Variants in LARP1B observed in about 807,000 individuals in gnomAD.
LARP1B encodes the protein la-related protein 1B.
In LARP1B, 76 loss-of-function variants were observed where a neutral mutation model predicts 114.2. The observed-to-expected ratio is 0.67, with a 90% CI of 0.55 to 0.81. The LOEUF is 0.81. Ranked by LOEUF, LARP1B falls within the 30% of genes least tolerant of loss-of-function variation. The pLI is 0.00. For synonymous variants in LARP1B, 345 were observed against 348.0 expected, an observed-to-expected ratio of 0.99 and a Z score of 0.10; for missense variants, 1,014 against 1,075.8, an observed-to-expected ratio of 0.94 and a Z score of 0.80.
chr4:128,164,821 A>G lies in LARP1B; in HGVS notation c.1648+2504A>G, dbSNP rs74908788. Among the ~76,000 whole-genome samples, 250 of 152,274 alleles carry G rather than the reference A, an allele frequency of 1.6e-3. 2 individuals carry two copies. The highest frequency in any genetic ancestry group is 9.5e-3 in the East Asian group (49 of 5,172). On this transcript the variant is annotated intron_variant, in intron 12 of 19. Coordinates refer to ENST00000326639, the MANE Select transcript of LARP1B (RefSeq NM_018078.4). ...GAGAACATTTGTAGTATCATTGTTC[A>G]TAATAGAAAAAAGCAAATGAAAACT...
chr4:128,216,678 T>C (rs1423242728), downstream of LARP1B, among the ~76,000 whole-genome samples: 4 of 148,754 alleles, frequency 2.7e-5, no homozygotes, highest in African/African-American at 4.9e-5. Context: ...ACTAAATGCC[T>C]ACAAGAGAAA....
chr4:128,184,995 C>CACATATAT (rs879918299), intron 15 of LARP1B, among the ~76,000 whole-genome samples: 77 of 151,998 alleles, frequency 5.1e-4, no homozygotes, highest in Admixed American at 2.2e-3. Context: ...CATATATTTA[C>CACATATAT]ACATATATAC....
rs373271496 is a variant in LARP1B, at chr4:128,077,952, A to G, written c.207A>G (p.Gln69=). 4.5e-6 allele frequency: 7 copies of G among 1,572,034 alleles called. No individual in the cohort carries two copies. In the East Asian group the frequency reaches 9.0e-5, roughly 20 times the overall value. Residue 69 remains glutamine, a synonymous_variant, in exon 4 of 20, where the codon CAA becomes CAG. Coordinates refer to ENST00000326639, the MANE Select transcript of LARP1B (RefSeq NM_018078.4). Reference sequence around the variant, plus strand: ...AGGATGAGGCTCAGTCAAGTAATCAACGTAAGAGAGGTCAGTTTGTCCATA... The same window carrying G: ...AGGATGAGGCTCAGTCAAGTAATCAGCGTAAGAGAGGTCAGTTTGTCCATA... ...VSEDEAQSSN[Q]RKRANKHKWV... is the part of the protein sequence containing the mutation.
chr4:128,111,825 G>C (rs1379503782), intron 9 of LARP1B, among the ~76,000 whole-genome samples: 1 of 151,764 alleles, frequency 6.6e-6, no homozygotes, highest in Non-Finnish European at 1.5e-5. Flanking sequence ...GGGATTACAG[G>C]TGCCTACCAC....
At chr4:128,076,447 G>A (rs1385864852) in intron 3 of LARP1B, among the ~76,000 whole-genome samples, 1 of 152,080 alleles carries the variant, frequency 6.6e-6, no homozygotes, top group African/African-American at 2.4e-5. Flanking sequence ...TTGTGTGTCA[G>A]CAGTTCATTC....
intron 15 of LARP1B, among the ~76,000 whole-genome samples, chr4:128,188,730 TTTC>T (rs1329306060): frequency 1.3e-5 from 2 of 152,224 alleles, no homozygotes; most frequent in Non-Finnish European, 2.9e-5. Flanking sequence ...ATTTTGAAGT[TTTC>T]TTCTTAATTT....
At chr4:128,205,165 G>C (rs1757226273) in intron 17 of LARP1B, among the ~76,000 whole-genome samples, 1 of 152,182 alleles carries the variant, frequency 6.6e-6, no homozygotes, top group African/African-American at 2.4e-5. Context: ...TTCTCTTGTT[G>C]GCTTGCCAGA....
chr4:128,190,117 G>A (rs1751740369), intron 15 of LARP1B, among the ~76,000 whole-genome samples: 3 of 152,302 alleles, frequency 2.0e-5, no homozygotes, highest in South Asian at 2.1e-4. Context: ...GGGTCTAGTA[G>A]TGATGAATTC....
chr4:128,098,460 A>G (rs1477321760), intron 8 of LARP1B, 130 bp downstream of exon 8: 4 of 658,992 alleles, frequency 6.1e-6, no homozygotes, highest in African/African-American at 3.6e-5. Context: ...GCATTCCATG[A>G]TGTTTTTCTA....
At chr4:128,090,067 C>T (rs769436982) in intron 5 of LARP1B, among the ~76,000 whole-genome samples, 6 of 146,738 alleles carry the variant, frequency 4.1e-5, no homozygotes, top group East Asian at 2.0e-4. Context: ...GCCACCACAC[C>T]GGGCCTCTTT....
chr4:128,206,552 A>G lies in LARP1B; in HGVS notation c.2419+15A>G. 1 of 1,593,572 alleles carries G rather than the reference A, an allele frequency of 6.3e-7. No individual in the cohort carries two copies. Among genetic ancestry groups the G allele is most frequent in the Non-Finnish European group, 8.6e-7 (1 of 1,169,158 alleles). ...CTACGAATCTGGTAACAATAACATCAGAAAACTTGTACTCTAATTGGAAAT... is the reference window on the plus strand; with the variant it reads ...CTACGAATCTGGTAACAATAACATCGGAAAACTTGTACTCTAATTGGAAAT... On this transcript the variant is annotated intron_variant, in intron 18 of 19. Coordinates refer to ENST00000326639, the MANE Select transcript of LARP1B (RefSeq NM_018078.4).
At chr4:128,175,003 C>G (rs757185372) in intron 12 of LARP1B, among the ~76,000 whole-genome samples, 1 of 151,994 alleles carries the variant, frequency 6.6e-6, no homozygotes, top group Non-Finnish European at 1.5e-5. Flanking sequence ...CTGATAACAC[C>G]GTTAAGTTAA....
At chr4:128,119,676 C>T (rs12505717) in intron 10 of LARP1B, among the ~76,000 whole-genome samples, 91,505 of 151,954 alleles carry the variant, frequency 0.6, 28,460 homozygotes, top group Middle Eastern at 0.8. Flanking sequence ...ATGGCTTTTG[C>T]TTCCCCTTTA....
intron 9 of LARP1B, chr4:128,107,854 GA>G (rs34678812): frequency 6.5e-7 from 1 of 1,534,398 alleles, no homozygotes; most frequent in Non-Finnish European, 8.7e-7. Flanking sequence ...TCCCTCTTGG[GA>G]AAAAATGTGT....
intron 11 of LARP1B, chr4:128,155,925 G>A: frequency 6.5e-7 from 1 of 1,540,832 alleles, no homozygotes; most frequent in Non-Finnish European, 9.0e-7. Flanking sequence ...AAGGAGCCAA[G>A]GAGGGGTACA....
chr4:128,078,981 T>G (rs1769094693), intron 4 of LARP1B, among the ~76,000 whole-genome samples: 1 of 152,122 alleles, frequency 6.6e-6, no homozygotes, highest in Non-Finnish European at 1.5e-5. Flanking sequence ...TGAACCAAGA[T>G]TCTCTGGAGG....
At chr4:128,087,092 G>A (rs1249061072) in intron 5 of LARP1B, among the ~76,000 whole-genome samples, 4 of 151,968 alleles carry the variant, frequency 2.6e-5, no homozygotes, top group African/African-American at 9.7e-5. Context: ...GCTAATTTTT[G>A]TGGTTTTAGT....
chr4:128,062,366 G>A (rs1760505809), intron 1 of LARP1B: 2 of 804,654 alleles, frequency 2.5e-6, no homozygotes, highest in East Asian at 1.3e-4. Flanking sequence ...TTTGTTCCAA[G>A]GTGTCATTCA....
chr4:128,116,426 C>T (rs745450834), intron 10 of LARP1B, among the ~76,000 whole-genome samples: 1 of 152,064 alleles, frequency 6.6e-6, no homozygotes, highest in Non-Finnish European at 1.5e-5. Context: ...TAAAAGTTCA[C>T]TAAAAATAAA....
Sources: allele counts gnomAD v4.1 joint callset (sites outside exome capture counted in the v4.1 genomes callset), GRCh38; gene constraint gnomAD v4.1.1; transcripts MANE v1.5; gene names NCBI Gene and HGNC (gene_info 2026-07-23, HGNC 2026-07-21).